NLGN4Y: variants seen among roughly 807,000 people sequenced by gnomAD.
The protein encoded by NLGN4Y is neuroligin-4, Y-linked.
In NLGN4Y, 4 loss-of-function variants were observed where a neutral mutation model predicts 8.4. The observed-to-expected ratio is 0.48, with a 90% CI of 0.23 to 1.09. The LOEUF (loss-of-function observed/expected upper bound fraction) is 1.09, where lower values mean the gene tolerates loss of function less well. Ranked by LOEUF, NLGN4Y falls within the 50% of genes least tolerant of loss-of-function variation. The pLI, the probability that NLGN4Y is intolerant of heterozygous loss-of-function variation, is 0.19. For synonymous variants in NLGN4Y, 35 were observed against 75.6 expected (o/e 0.46, Z 2.78); for missense variants, 90 against 192.3 (o/e 0.47, Z 3.15).
chrY:14,708,258 G>A, intron 2 of NLGN4Y, among the ~76,000 whole-genome samples: 1 of 33,481 alleles, frequency 3.0e-5, no homozygotes, highest in Non-Finnish European at 7.4e-5. Flanking sequence ...ATGCTACATA[G>A]AGAGCTGTAT....
At chrY:14,801,029 G>A (rs2043028365) in intron 4 of NLGN4Y, among the ~76,000 whole-genome samples, 2 of 32,388 alleles carry the variant, frequency 6.2e-5, no homozygotes, top group African/African-American at 2.4e-4. Flanking sequence ...ACATTCTCCT[G>A]GATCTTGATC....
chrY:14,599,673 G>A (rs1043888399), intron 1 of NLGN4Y, among the ~76,000 whole-genome samples: 4 of 32,889 alleles, frequency 1.2e-4, no homozygotes, highest in East Asian at 1.6e-3. Flanking sequence ...AATCATAGTC[G>A]TAAAACTGCA....
chrY:14,837,988 C>T, intron 6 of NLGN4Y, among the ~76,000 whole-genome samples: 1 of 32,692 alleles, frequency 3.1e-5, no homozygotes, highest in Admixed American at 2.8e-4. Context: ...ATGAAAAAAA[C>T]GAGGAATCTT....
chrY:14,735,793 C>T, intron 4 of NLGN4Y, among the ~76,000 whole-genome samples: 2 of 33,458 alleles, frequency 6.0e-5, no homozygotes, highest in Non-Finnish European at 1.5e-4. Context: ...GAAGTCCAAG[C>T]TAAGGTGGTC....
At chrY:14,580,605 G>A in intron 1 of NLGN4Y, among the ~76,000 whole-genome samples, 1 of 32,360 alleles carries the variant, frequency 3.1e-5, no homozygotes, top group Non-Finnish European at 7.5e-5. Context: ...CTGTGCTATG[G>A]TCCTCCAGAG....
At chrY:14,764,377 C>T in intron 4 of NLGN4Y, among the ~76,000 whole-genome samples, 1 of 33,533 alleles carries the variant, frequency 3.0e-5, no homozygotes, top group Admixed American at 2.8e-4. Flanking sequence ...TCACCTTCGA[C>T]GTTCTACTCA....
chrY:14,582,292 T>C, intron 1 of NLGN4Y, among the ~76,000 whole-genome samples: 1 of 33,430 alleles, frequency 3.0e-5, no homozygotes, highest in African/African-American at 1.2e-4. Flanking sequence ...ATAAATTTAC[T>C]CTTAGAATGT....
At chrY:14,794,252 C>T in intron 4 of NLGN4Y, among the ~76,000 whole-genome samples, 1 of 32,917 alleles carries the variant, frequency 3.0e-5, no homozygotes, top group East Asian at 8.0e-4. Context: ...TTTGGATTCC[C>T]TTTAATTCCT....
chrY:14,829,648 C>T, intron 5 of NLGN4Y, 82 bp from the exon 6 acceptor site: 1 of 328,540 alleles, frequency 3.0e-6, no homozygotes, highest in South Asian at 3.2e-5. Context: ...GCTTGCGAAA[C>T]AATCACAGCC....
chrY:14,673,726 A>G, intron 2 of NLGN4Y, among the ~76,000 whole-genome samples: 1 of 33,474 alleles, frequency 3.0e-5, no homozygotes. Flanking sequence ...AGACACATGC[A>G]CACGTATGTT....
chrY:14,746,932 A>T, intron 4 of NLGN4Y, among the ~76,000 whole-genome samples: 1 of 32,000 alleles, frequency 3.1e-5, no homozygotes, highest in Non-Finnish European at 7.5e-5. Flanking sequence ...AATTGATACT[A>T]ATCCTAGATG....
chrY:14,561,688 C>A (rs1046232314), intron 1 of NLGN4Y, among the ~76,000 whole-genome samples: 13 of 33,684 alleles, frequency 3.9e-4, no homozygotes, highest in Non-Finnish European at 8.1e-4. Context: ...CTTCCACCAA[C>A]AGTGTAAAAG....
intron 1 of NLGN4Y, among the ~76,000 whole-genome samples, chrY:14,595,774 G>C: frequency 3.0e-5 from 1 of 33,239 alleles, no homozygotes; most frequent in African/African-American, 1.2e-4. Context: ...GGACCCTGCT[G>C]ATCGGAATAG....
At chrY:14,823,538 A>C in intron 4 of NLGN4Y, among the ~76,000 whole-genome samples, 1 of 33,831 alleles carries the variant, frequency 3.0e-5, no homozygotes, top group African/African-American at 1.2e-4. Flanking sequence ...TTAAAGAAAA[A>C]TGTGCACACA....
chrY:14,766,398 G>T, intron 4 of NLGN4Y, among the ~76,000 whole-genome samples: 1 of 33,360 alleles, frequency 3.0e-5, no homozygotes, highest in African/African-American at 1.2e-4. Context: ...ATTTTTAGAA[G>T]AAAATAATTT....
intron 2 of NLGN4Y, among the ~76,000 whole-genome samples, chrY:14,711,406 G>A (rs752039107): frequency 3.1e-5 from 1 of 32,301 alleles, no homozygotes; most frequent in African/African-American, 1.2e-4. Flanking sequence ...ATGAGGAATA[G>A]CAAATTCATG....
intron 2 of NLGN4Y, among the ~76,000 whole-genome samples, chrY:14,708,098 T>A (rs755476323): frequency 1.5e-4 from 5 of 33,532 alleles, no homozygotes; most frequent in East Asian, 7.7e-4. Flanking sequence ...CAAGTTTTTT[T>A]AAAAAAATAG....
intron 1 of NLGN4Y, among the ~76,000 whole-genome samples, chrY:14,551,541 T>C (rs2080192816): frequency 3.0e-5 from 1 of 33,046 alleles, no homozygotes; most frequent in Non-Finnish European, 7.4e-5. Flanking sequence ...AGTAAAAAAC[T>C]CCTCAGAAAA....
At chrY:14,822,467 C>A (rs2043126607) in intron 4 of NLGN4Y, among the ~76,000 whole-genome samples, 1 of 34,108 alleles carries the variant, frequency 2.9e-5, no homozygotes, top group East Asian at 7.7e-4. Context: ...TCTTCACGAT[C>A]CTCTGCAGAA....
Sources: allele counts gnomAD v4.1 joint callset (sites outside exome capture counted in the v4.1 genomes callset), GRCh38; gene constraint gnomAD v4.1.1; transcripts MANE v1.5; gene names NCBI Gene and HGNC (gene_info 2026-07-23, HGNC 2026-07-21).